CCDC7: variants seen among roughly 807,000 people sequenced by gnomAD.
The protein encoded by CCDC7 is coiled-coil domain-containing protein 7.
Under a neutral mutation model 196.9 loss-of-function variants are expected in CCDC7, and 183 were observed. That is an observed-to-expected ratio of 0.93 (90% CI 0.82 to 1.05). The LOEUF (loss-of-function observed/expected upper bound fraction) is 1.05. Among genes scored for constraint, CCDC7 ranks in the 50% least tolerant of loss-of-function variants. CCDC7 has a pLI of 0.00. For synonymous variants in CCDC7, 525 were observed against 484.6 expected, an observed-to-expected ratio of 1.08 and a Z score of -1.10; for missense variants, 1,540 against 1,482.2, an observed-to-expected ratio of 1.04 and a Z score of -0.64.
intron 13 of CCDC7, among the ~76,000 whole-genome samples, chr10:32,555,180 A>C (rs150584873): frequency 0.042 from 6,409 of 152,104 alleles, 137 homozygotes; most frequent in Middle Eastern, 0.078. Context: ...TCTTTTTAAT[A>C]TACTGATTTC....
exon 29 of CCDC7, chr10:32,778,991 G>C (rs1243165686): frequency 5.2e-6 from 8 of 1,549,196 alleles, no homozygotes; most frequent in Non-Finnish European, 7.0e-6. Context: ...AAATGAAGCA[G>C]CCTCAGAACT....
intron 11 of CCDC7, among the ~76,000 whole-genome samples, chr10:32,531,211 C>G (rs750148539): frequency 2.0e-5 from 3 of 152,062 alleles, no homozygotes; most frequent in Admixed American, 6.5e-5. Flanking sequence ...CAGCTTTGGC[C>G]TCCTGGGCTC....
chr10:32,458,730 G>C (rs1226121401), intron 3 of CCDC7, among the ~76,000 whole-genome samples: 1 of 151,944 alleles, frequency 6.6e-6, no homozygotes. Flanking sequence ...TGGCTACTTA[G>C]GGTCTTTTGT....
chr10:32,821,506 T>G (rs1350123630), intron 31 of CCDC7, among the ~76,000 whole-genome samples: 1 of 152,168 alleles, frequency 6.6e-6, no homozygotes, highest in Admixed American at 6.6e-5. Flanking sequence ...TAAATACACA[T>G]GCACGCGTAT....
intron 28 of CCDC7, among the ~76,000 whole-genome samples, chr10:32,730,576 T>C (rs56211953): frequency 0.047 from 7,123 of 152,012 alleles, 222 homozygotes; most frequent in Middle Eastern, 0.071. Flanking sequence ...AAATAAAATA[T>C]ATTTAATACC....
At chr10:32,511,664 C>T (rs1157536937) in intron 9 of CCDC7, 1 of 1,570,724 alleles carries the variant, frequency 6.4e-7, no homozygotes, top group East Asian at 2.2e-5. Flanking sequence ...ATCCACAGCA[C>T]CAATGGAATT....
Position 32,655,471 on chromosome 10 carries a change from T to C in CCDC7, c.2015-8583T>C, listed in dbSNP as rs191044065. ...GTGGCTTTAATTTGCATTTCCCTGA[T>C]GATTAAAAATGTTGAGCATTTTTTC... On this transcript the variant is annotated intron_variant, in intron 20 of 41. Transcript: ENST00000639629. 1.4e-4 allele frequency among the ~76,000 whole-genome samples: 21 copies of C among 152,312 alleles called. No individual in the cohort carries two copies. The East Asian group carries it at 4.1e-3, about 29-fold the overall frequency.
chr10:32,689,104 T>A (rs531804183), exon 23 of CCDC7: 1 of 1,609,026 alleles, frequency 6.2e-7, no homozygotes, highest in East Asian at 2.2e-5. Context: ...CAAGACTCAA[T>A]GTCAAAATCA....
chr10:32,827,723 G>C lies in CCDC7; in HGVS notation c.3268+3119G>C, dbSNP rs555063362. On this transcript the variant is annotated intron_variant, in intron 32 of 41. Transcript: ENST00000639629. ...ACGAGTTAATGGGTGCAGCAAACCA[G>C]CATGGCACATGTATACCTATGTAAC... 9.9e-5 allele frequency among the ~76,000 whole-genome samples: 15 copies of C among 152,242 alleles called. No individual in the cohort carries two copies. The South Asian group carries it at 3.1e-3, about 32-fold the overall frequency.
intron 9 of CCDC7, chr10:32,511,254 T>TGGGGGGGGGGG (rs1167793491): frequency 3.4e-6 from 2 of 593,316 alleles, no homozygotes; most frequent in Admixed American, 3.7e-5. Context: ...AATTATTCTG[T>TGGGGGGGGGGG]GGGGGGCGGG....
At chr10:32,491,797 G>A (rs1215566629) in intron 8 of CCDC7, 125 bp from the exon 10 acceptor site, 5 of 810,808 alleles carry the variant, frequency 6.2e-6, no homozygotes, top group Non-Finnish European at 8.6e-6. Flanking sequence ...TAATAGTCAT[G>A]TAGCCCATGC....
intron 28 of CCDC7, among the ~76,000 whole-genome samples, chr10:32,742,141 CTAA>C (rs1248866681): frequency 6.6e-6 from 1 of 152,214 alleles, no homozygotes; most frequent in East Asian, 1.9e-4. Context: ...ACTGTAAATA[CTAA>C]TATCTTTGAG....
upstream of CCDC7, among the ~76,000 whole-genome samples, chr10:32,444,429 C>T (rs941341140): frequency 1.1e-4 from 17 of 152,264 alleles, no homozygotes; most frequent in African/African-American, 4.1e-4. Flanking sequence ...CTATTAAGGC[C>T]ACAGATATGA....
intron 26 of CCDC7, among the ~76,000 whole-genome samples, chr10:32,728,362 A>G (rs928600716): frequency 6.6e-6 from 1 of 152,134 alleles, no homozygotes; most frequent in Non-Finnish European, 1.5e-5. Flanking sequence ...TAGAAGTAAC[A>G]GCAGTCATTG....
At chr10:32,538,282 C>G (rs1295237208) in intron 11 of CCDC7, among the ~76,000 whole-genome samples, 5 of 152,094 alleles carry the variant, frequency 3.3e-5, no homozygotes, top group Non-Finnish European at 7.4e-5. Flanking sequence ...CCTGATTTGG[C>G]TCTTGGCTTG....
chr10:32,666,304 C>A (rs1172466942), intron 21 of CCDC7, among the ~76,000 whole-genome samples: 2 of 151,610 alleles, frequency 1.3e-5, no homozygotes, highest in Non-Finnish European at 2.9e-5. Context: ...CTAATAAATA[C>A]CAGGTACGGC....
intron 29 of CCDC7, among the ~76,000 whole-genome samples, chr10:32,803,781 C>T (rs1475032933): frequency 3.9e-5 from 6 of 151,974 alleles, no homozygotes; most frequent in Non-Finnish European, 8.8e-5. Context: ...ATTTTGTTGT[C>T]TTCTAATTGT....
chr10:32,549,105 C>T (rs552002992), intron 13 of CCDC7, among the ~76,000 whole-genome samples: 6 of 152,244 alleles, frequency 3.9e-5, no homozygotes, highest in South Asian at 2.1e-4. Flanking sequence ...TATGGGCATT[C>T]GTGCAGGAGC....
At chr10:32,531,985 A>G (rs2049743292) in intron 11 of CCDC7, among the ~76,000 whole-genome samples, 1 of 152,154 alleles carries the variant, frequency 6.6e-6, no homozygotes, top group Non-Finnish European at 1.5e-5. Context: ...TTTTCAAAAC[A>G]TCAACTTTTT....
Sources: gnomAD v4.1 joint callset for allele counts (sites outside exome capture counted in the v4.1 genomes callset) on GRCh38, gnomAD v4.1.1 for gene constraint, MANE v1.5 for transcripts, NCBI Gene and HGNC (gene_info 2026-07-23, HGNC 2026-07-21) for gene names.